The following TRAK1 variants were observed in gnomAD, a reference collection of about 807,000 sequenced individuals.
TRAK1 encodes trafficking kinesin protein 1.
A neutral mutation model predicts 92.1 loss-of-function variants in TRAK1; 33 were observed. That is an observed-to-expected ratio of 0.36 (90% CI 0.27 to 0.48). The LOEUF (loss-of-function observed/expected upper bound fraction) is 0.48, where lower values mean the gene tolerates loss of function less well. Among genes scored for constraint, TRAK1 ranks in the 20% least tolerant of loss-of-function variants. TRAK1 has a pLI of 0.99. For synonymous variants in TRAK1, 521 were observed against 517.3 expected, an observed-to-expected ratio of 1.01 and a Z score of -0.10; for missense variants, 1,123 against 1,257.9, an observed-to-expected ratio of 0.89 and a Z score of 1.62.
At chr3:42,086,488 T>C (rs537993522), upstream of TRAK1, among the ~76,000 whole-genome samples, 10 of 151,878 alleles carry the variant, frequency 6.6e-5, no homozygotes, top group African/African-American at 2.2e-4. Context: ...TTTTTGTTTG[T>C]GTATTTTTAG....
At chr3:42,203,380 C>T (rs1404933866) in intron 13 of TRAK1, 4 of 985,776 alleles carry the variant, frequency 4.1e-6, no homozygotes, top group African/African-American at 3.5e-5. Flanking sequence ...TTTGTACCTC[C>T]GTAAGCCACC....
chr3:42,217,305 G>C (rs1013895685), intron 14 of TRAK1: 1 of 985,192 alleles, frequency 1.0e-6, no homozygotes, highest in Non-Finnish European at 1.2e-6. Context: ...ACGGGTCCAG[G>C]CGTCCTGGTG....
chr3:42,176,945 G>T (rs1703308535), intron 3 of TRAK1, 55 bp downstream of exon 3: 1 of 1,498,006 alleles, frequency 6.7e-7, no homozygotes, highest in Non-Finnish European at 9.3e-7. Context: ...GGTTTTCATG[G>T]ATACTGATTA....
intron 1 of TRAK1, among the ~76,000 whole-genome samples, chr3:42,040,439 G>A (rs1161004325): frequency 6.6e-6 from 1 of 152,164 alleles, no homozygotes; most frequent in African/African-American, 2.4e-5. Context: ...TACATTTTGA[G>A]TTAATTTTTG....
chr3:42,069,297 G>A (rs1184888117), intron 1 of TRAK1, among the ~76,000 whole-genome samples: 2 of 144,320 alleles, frequency 1.4e-5, no homozygotes, highest in Admixed American at 7.4e-5. Flanking sequence ...CTCCAGCCTG[G>A]GTGACACAGC....
chr3:42,192,067 A>AT (rs549336180), intron 7 of TRAK1, among the ~76,000 whole-genome samples: 2 of 151,582 alleles, frequency 1.3e-5, no homozygotes, highest in Non-Finnish European at 2.9e-5. Flanking sequence ...ATGCCTGGCT[A>AT]TTTTTTTGTA....
At position 42,202,762 on chromosome 3, in the gene TRAK1, C is replaced by A; in HGVS notation, c.1744+10C>A. The A allele has an allele frequency of 6.2e-7, 1 of 1,613,226 alleles. No homozygotes were observed. Among genetic ancestry groups the A allele is most frequent in the African/African-American group, 1.3e-5 (1 of 75,046 alleles). ...GTGAAGCCGCTGGAAGGTGATCACG[C>A]GGGGCCTCGGCCCCTCTCTGTCCTC... On this transcript the variant is annotated intron_variant, in intron 13 of 15. Transcript: ENST00000327628. This position sits in a 1 kb window ranked among gnomAD's most constrained non-coding sequence, Gnocchi z 6.1.
At chr3:42,052,854 TG>T (rs1437473986) in intron 1 of TRAK1, among the ~76,000 whole-genome samples, 5 of 152,122 alleles carry the variant, frequency 3.3e-5, no homozygotes, top group Non-Finnish European at 7.4e-5. Flanking sequence ...AGGATGTCAG[TG>T]GCTATCAGAG....
At chr3:42,210,085 C>CGGAGGAGGAGGAGGAGGAGGA in intron 14 of TRAK1, 100 bp downstream of exon 14, 7 of 1,576,604 alleles carry the variant, frequency 4.4e-6, no homozygotes, top group Admixed American at 3.5e-5. Context: ...CCAGCGGCCA[C>CGGAGGAGGAGGAGGAGGAGGA]GGAGGAGGAG....
At position 42,157,644 on chromosome 3, in the gene TRAK1, C is replaced by A. The variant is rs374693703; in HGVS notation, c.287-19170C>A. Among the ~76,000 whole-genome samples, 30 of 152,048 alleles carry A rather than the reference C, an allele frequency of 2.0e-4. No homozygotes were observed. In the East Asian group the frequency reaches 2.5e-3, roughly 13 times the overall value. On this transcript the variant is annotated intron_variant, in intron 2 of 15. Coordinates refer to ENST00000327628, the MANE Select transcript of TRAK1 (RefSeq NM_001042646.3). ...CACCAGGAATACCCAAAGTGAGGGA[C>A]CTTCTACAAAATAGTTGGCCTGTAT...
intron 6 of TRAK1, among the ~76,000 whole-genome samples, chr3:42,189,430 C>T (rs1048494948): frequency 1.1e-4 from 17 of 152,366 alleles, no homozygotes; most frequent in Non-Finnish European, 1.2e-4. Context: ...CCAGCTCTGA[C>T]CACAGCACCT....
At chr3:42,130,551 T>C (rs893208085) in intron 2 of TRAK1, among the ~76,000 whole-genome samples, 1 of 152,198 alleles carries the variant, frequency 6.6e-6, no homozygotes, top group African/African-American at 2.4e-5. Context: ...GCATTTCAGC[T>C]CAGGTTTTCT....
At chr3:42,158,991 TAA>T (rs1227941228) in intron 2 of TRAK1, among the ~76,000 whole-genome samples, 9 of 147,556 alleles carry the variant, frequency 6.1e-5, no homozygotes, top group African/African-American at 2.0e-4. Flanking sequence ...ATAATAATAA[TAA>T]TAATAATAAT....
intron 3 of TRAK1, among the ~76,000 whole-genome samples, chr3:42,182,345 C>G (rs1250813916): frequency 6.6e-5 from 10 of 151,092 alleles, no homozygotes. Flanking sequence ...CTCTCAGACA[C>G]TCAGGCTGTA....
chr3:42,223,013 G>T lies in TRAK1; in HGVS notation c.2138G>T (p.Cys713Phe). 6.2e-7 allele frequency: 1 copy of T among 1,614,098 alleles called. No homozygotes were observed. The highest frequency in any genetic ancestry group is 8.5e-7 in the Non-Finnish European group (1 of 1,180,014). ...HLKSTPVATPCTPRRLSLAES... is the reference protein window; with the variant it reads ...HLKSTPVATPFTPRRLSLAES... ...AAATCCACGCCGGTGGCCACACCAT[G>T]CACTCCACGGAGACTGAGCCTGGCT... Residue 713 changes from cysteine (C) to phenylalanine (F), a missense_variant, in exon 16 of 16, where the codon TGC becomes TTC. Physicochemically the swap from Cys to Phe is radical, Grantham distance 205. Coordinates refer to ENST00000327628, the MANE Select transcript of TRAK1 (RefSeq NM_001042646.3). The surrounding 1 kb of genome is among the most constrained non-coding windows in gnomAD (Gnocchi z 6.1).
Position 42,188,870 on chromosome 3 carries a change from CT to C in TRAK1, c.582-145del, listed in dbSNP as rs1469102263. On this transcript the variant is annotated intron_variant, in intron 5 of 15. Coordinates refer to ENST00000327628, the MANE Select transcript of TRAK1 (RefSeq NM_001042646.3). The stretch of plus-strand genomic sequence containing the variant: ...TCAGAATTGGTGGTGAGCCTGTGCA[CT>C]GGGGGCGCTGTCTTCCTGGGGTTGG... 22 of 624,480 alleles carry C rather than the reference CT, an allele frequency of 3.5e-5. No homozygotes were observed. In the East Asian group the frequency reaches 4.9e-4, roughly 14 times the overall value. The allele number at this position is 624,480 out of a possible 1,614,324, so 38.7% of individuals were successfully genotyped here. A position where few individuals can be genotyped will look rare whatever the true frequency, so the allele number is the denominator to read the frequency against.
At chr3:42,135,789 G>C (rs911592278) in intron 2 of TRAK1, among the ~76,000 whole-genome samples, 1 of 152,102 alleles carries the variant, frequency 6.6e-6, no homozygotes, top group Non-Finnish European at 1.5e-5. Context: ...CAGTGCTCTG[G>C]CTTGGGGTCT....
intron 1 of TRAK1, among the ~76,000 whole-genome samples, chr3:42,033,833 C>A (rs1170410975): frequency 1.3e-5 from 2 of 152,192 alleles, no homozygotes; most frequent in African/African-American, 4.8e-5. Flanking sequence ...TCCCTCTACT[C>A]CCAGACTCTC....
chr3:42,211,677 A>G, intron 14 of TRAK1: 1 of 985,326 alleles, frequency 1.0e-6, no homozygotes, highest in African/African-American at 1.7e-5. Context: ...GTTGTACAGA[A>G]GGACTAAAGC....
Sources: allele counts gnomAD v4.1 joint callset (sites outside exome capture counted in the v4.1 genomes callset), GRCh38; gene constraint gnomAD v4.1.1; non-coding constraint Gnocchi (gnomAD v3.1); transcripts MANE v1.5; gene names NCBI Gene and HGNC (gene_info 2026-07-23, HGNC 2026-07-21).